Variants in CSMD1 observed in about 807,000 individuals in gnomAD.
CSMD1 encodes CUB and sushi domain-containing protein 1.
In CSMD1, 213 loss-of-function variants were observed where a neutral mutation model predicts 417.5. The ratio of observed to expected loss-of-function variants is 0.51; its 90% CI spans 0.46 to 0.57. CSMD1 has a LOEUF of 0.57. Ranked by LOEUF, CSMD1 falls within the 20% of genes least tolerant of loss-of-function variation. CSMD1 has a pLI of 0.00. For synonymous variants in CSMD1, 2,862 were observed against 1,736.8 expected, an observed-to-expected ratio of 1.65 and a Z score of -16.11; for missense variants, 6,923 against 4,529.7, an observed-to-expected ratio of 1.53 and a Z score of -15.17.
chr8:4,682,101 C>G (rs192860524), intron 1 of CSMD1, among the ~76,000 whole-genome samples: 30 of 152,278 alleles, frequency 2.0e-4, no homozygotes, highest in African/African-American at 7.0e-4. Context: ...TCACTGCAAC[C>G]TCCGCCTCCT....
intron 1 of CSMD1, among the ~76,000 whole-genome samples, chr8:4,927,846 CA>C (rs1220189235): frequency 6.6e-6 from 1 of 152,184 alleles, no homozygotes; most frequent in African/African-American, 2.4e-5. Context: ...ACTCTGCCTT[CA>C]AGATATACCC....
chr8:3,570,218 G>A (rs1397292591), intron 10 of CSMD1, among the ~76,000 whole-genome samples: 2 of 152,198 alleles, frequency 1.3e-5, no homozygotes, highest in Non-Finnish European at 2.9e-5. Context: ...TACTGTGATT[G>A]GAATCACATC....
At chr8:3,441,945 G>T (rs6987242) in intron 12 of CSMD1, among the ~76,000 whole-genome samples, 116,887 of 151,844 alleles carry the variant, frequency 0.77, 45,236 homozygotes, top group East Asian at 0.85. Context: ...TTCATGTGTG[G>T]TATTGCCCCG....
chr8:4,006,776 C>A (rs1360773034), intron 4 of CSMD1, among the ~76,000 whole-genome samples: 2 of 151,294 alleles, frequency 1.3e-5, no homozygotes, highest in Non-Finnish European at 2.9e-5. Flanking sequence ...CGGCTTATAT[C>A]ACCATTCATA....
intron 3 of CSMD1, among the ~76,000 whole-genome samples, chr8:4,107,365 G>A (rs527315126): frequency 6.6e-6 from 1 of 152,300 alleles, no homozygotes; most frequent in South Asian, 2.1e-4. Context: ...GCCACCTGTA[G>A]AGGATAAAGT....
chr8:3,448,379 G>GA (rs1815458443), intron 12 of CSMD1, among the ~76,000 whole-genome samples: 4 of 42,964 alleles, frequency 9.3e-5, no homozygotes, highest in Non-Finnish European at 1.7e-4. Flanking sequence ...GGAAGGGAGG[G>GA]GGAGGAGGGA....
At chr8:3,416,620 T>G (rs1418955528) in intron 12 of CSMD1, among the ~76,000 whole-genome samples, 2 of 152,214 alleles carry the variant, frequency 1.3e-5, no homozygotes, top group Non-Finnish European at 2.9e-5. Context: ...TCCCAGGAGC[T>G]ACATGGAAAC....
chr8:4,699,368 G>A (rs954464803), intron 1 of CSMD1, among the ~76,000 whole-genome samples: 1 of 152,092 alleles, frequency 6.6e-6, no homozygotes, highest in African/African-American at 2.4e-5. Flanking sequence ...TCATCTGAGA[G>A]TACCCACAAC....
chr8:3,719,522 G>A (rs75149744), intron 6 of CSMD1, among the ~76,000 whole-genome samples: 416 of 152,282 alleles, frequency 2.7e-3, no homozygotes, highest in African/African-American at 9.5e-3. Context: ...TTACAATGAA[G>A]ACTTTGGGAA....
chr8:2,983,641 T>C (rs1805611847), intron 54 of CSMD1, among the ~76,000 whole-genome samples: 1 of 152,188 alleles, frequency 6.6e-6, no homozygotes, highest in Non-Finnish European at 1.5e-5. Flanking sequence ...AAATTGTAAA[T>C]CTAATCGTAA....
intron 2 of CSMD1, among the ~76,000 whole-genome samples, chr8:4,625,664 C>T (rs1285488976): frequency 6.6e-6 from 1 of 151,956 alleles, no homozygotes; most frequent in African/African-American, 2.4e-5. Context: ...TGTGAAAACC[C>T]CTAAACCTAA....
intron 5 of CSMD1, among the ~76,000 whole-genome samples, chr8:3,907,623 G>A (rs1018759492): frequency 1.3e-5 from 2 of 152,148 alleles, no homozygotes; most frequent in African/African-American, 4.8e-5. Context: ...CCTAAGTTCA[G>A]GCTCATTGAT....
intron 2 of CSMD1, among the ~76,000 whole-genome samples, chr8:4,530,541 G>A (rs1207572846): frequency 2.3e-5 from 3 of 131,244 alleles, no homozygotes; most frequent in Admixed American, 8.3e-5. Context: ...TCCCCTCCCC[G>A]TGCCCATATG....
intron 6 of CSMD1, among the ~76,000 whole-genome samples, chr8:3,738,625 G>T (rs1351178921): frequency 6.6e-6 from 1 of 152,142 alleles, no homozygotes. Context: ...CACCACTGAG[G>T]GGACCAAGAG....
In CSMD1 at chr8:3,880,829, A is replaced by G. The variant is rs138119903; in HGVS notation, c.818+117074T>C. ...GTTATAAAGATAATTCCTAAAAATA[A>G]CGTAATGACCTGCGCATTTATATTT... On this transcript the variant is annotated intron_variant, in intron 5 of 69. Transcript: ENST00000635120. Among the ~76,000 whole-genome samples the G allele has an allele frequency of 4.3e-3, 652 of 152,326 alleles. 5 individuals are homozygous for G. In the Middle Eastern group the frequency reaches 0.044, roughly 10 times the overall value.
intron 8 of CSMD1, among the ~76,000 whole-genome samples, chr8:3,614,849 T>A (rs1802060114): frequency 6.6e-6 from 1 of 152,134 alleles, no homozygotes; most frequent in Non-Finnish European, 1.5e-5. Context: ...AAAACAGATG[T>A]GTGAGCACAT....
intron 3 of CSMD1, among the ~76,000 whole-genome samples, chr8:4,128,626 C>G (rs545984176): frequency 2.1e-3 from 318 of 152,112 alleles, no homozygotes; most frequent in Non-Finnish European, 3.4e-3. Context: ...TTGCTTTTTC[C>G]TCTTGAAGCT....
chr8:3,238,027 C>G lies in CSMD1; in HGVS notation c.4154-7796G>C, dbSNP rs181677752. ...CCGTGTGAAGAGACCACCAAACAGG[C>G]TTTGTGTGAGCAATAAAGCTGTTTA... is the stretch of plus-strand genomic sequence containing the variant. On this transcript the variant is annotated intron_variant, in intron 26 of 69. Coordinates refer to ENST00000635120, the MANE Select transcript of CSMD1 (RefSeq NM_033225.6). Among the ~76,000 whole-genome samples, 55 of 151,624 alleles carry G rather than the reference C, an allele frequency of 3.6e-4. No homozygotes were observed. In the East Asian group the frequency reaches 9.7e-3, roughly 27 times the overall value.
In CSMD1 at chr8:4,667,802, T is replaced by C. The variant is rs1206802004; in HGVS notation, c.86-30244A>G. Among the ~76,000 whole-genome samples, 9 of 152,220 alleles carry C rather than the reference T, an allele frequency of 5.9e-5. No individual in the cohort carries two copies. The East Asian group carries it at 1.7e-3, about 29-fold the overall frequency. On this transcript the variant is annotated intron_variant, in intron 1 of 69. Transcript: ENST00000635120. The stretch of plus-strand genomic sequence containing the variant: ...CTACATAGACTACGTCCTTTGTGAA[T>C]AAAGATAATCTTATTTTATCCTTCC...
Sources: gnomAD v4.1 joint callset for allele counts (sites outside exome capture counted in the v4.1 genomes callset) on GRCh38, gnomAD v4.1.1 for gene constraint, MANE v1.5 for transcripts, NCBI Gene and HGNC (gene_info 2026-07-23, HGNC 2026-07-21) for gene names.